Variants in SNX10 observed in about 807,000 individuals in gnomAD.
The protein encoded by SNX10 is sorting nexin 10.
Under a neutral mutation model 28.5 loss-of-function variants are expected in SNX10, and 25 were observed. That is an observed-to-expected ratio of 0.88 (90% confidence interval 0.64 to 1.22). The LOEUF is 1.22. SNX10 is among the 50% of genes most tolerant of loss of function. SNX10 has a pLI of 0.00. For synonymous variants in SNX10, 62 were observed against 81.4 expected (o/e 0.76, Z 1.28); for missense variants, 223 against 242.6 (o/e 0.92, Z 0.54).
In SNX10 at chr7:26,318,436, A is replaced by G. The variant is rs542828604; in HGVS notation, c.-24+26350A>G. 2.0e-5 allele frequency among the ~76,000 whole-genome samples: 3 copies of G among 152,272 alleles called. No homozygotes were observed. The East Asian group carries it at 5.8e-4, about 29-fold the overall frequency. On this transcript the variant is annotated intron_variant, in intron 1 of 6. Coordinates refer to ENST00000338523, the MANE Select transcript of SNX10 (RefSeq NM_013322.3). The stretch of plus-strand genomic sequence containing the variant: ...TTATATTTTGAAGAAAAAAGTACCA[A>G]TAATTCAGCCAGTGGTCATACTTAT...
intron 1 of SNX10, among the ~76,000 whole-genome samples, chr7:26,339,044 T>C (rs1788066787): frequency 6.6e-6 from 1 of 152,174 alleles, no homozygotes; most frequent in African/African-American, 2.4e-5. Context: ...TGTAGCTAAT[T>C]TGTTAGTTCT....
intron 1 of SNX10, among the ~76,000 whole-genome samples, chr7:26,307,946 C>T (rs542839058): frequency 6.6e-6 from 1 of 152,256 alleles, no homozygotes; most frequent in African/African-American, 2.4e-5. Context: ...AACACCCATC[C>T]CAGATGAATC....
At position 26,354,614 on chromosome 7, in the gene SNX10, CAA is replaced by C. The variant is rs1371700560; in HGVS notation, c.25-6360_25-6359del. On this transcript the variant is annotated intron_variant, in intron 2 of 6. Coordinates refer to ENST00000338523, the MANE Select transcript of SNX10 (RefSeq NM_013322.3). Reference sequence around the variant, plus strand: ...CAGGCTGGTCTTGAACTCCTGAGCTCAAGTGATCCTCCCACCTTGGCCTCCCA... The same window carrying C: ...CAGGCTGGTCTTGAACTCCTGAGCTCGTGATCCTCCCACCTTGGCCTCCCA... Among the ~76,000 whole-genome samples the C allele has an allele frequency of 5.9e-5, 9 of 152,202 alleles. No individual in the cohort carries two copies. In the South Asian group the frequency reaches 6.2e-4, roughly 10 times the overall value.
chr7:26,341,787 C>G (rs1410448620), intron 1 of SNX10, among the ~76,000 whole-genome samples: 2 of 151,892 alleles, frequency 1.3e-5, no homozygotes, highest in Non-Finnish European at 2.9e-5. Context: ...ACCCAGCCCT[C>G]TATGTGCATT....
chr7:26,359,520 T>C (rs374746120), intron 2 of SNX10, among the ~76,000 whole-genome samples: 4 of 152,284 alleles, frequency 2.6e-5, no homozygotes, highest in African/African-American at 9.6e-5. Context: ...ATATTTAAAA[T>C]CAAACTCAGT....
chr7:26,328,259 C>G (rs1554354211), intron 1 of SNX10, among the ~76,000 whole-genome samples: 1 of 152,120 alleles, frequency 6.6e-6, no homozygotes, highest in Non-Finnish European at 1.5e-5. Flanking sequence ...GAATCAATGA[C>G]AGTTTCCAGG....
At chr7:26,298,417 CT>C (rs1474947871) in intron 1 of SNX10, among the ~76,000 whole-genome samples, 1 of 152,106 alleles carries the variant, frequency 6.6e-6, no homozygotes, top group Admixed American at 6.5e-5. Flanking sequence ...ACCATGAAAC[CT>C]TTTTGCTTAG....
intron 1 of SNX10, among the ~76,000 whole-genome samples, chr7:26,329,554 A>G (rs1787643926): frequency 6.6e-6 from 1 of 152,218 alleles, no homozygotes; most frequent in African/African-American, 2.4e-5. Context: ...TATGTAAGTG[A>G]TGAGTCTGCT....
intron 1 of SNX10, among the ~76,000 whole-genome samples, chr7:26,313,687 C>G (rs759619407): frequency 1.3e-5 from 2 of 152,034 alleles, no homozygotes; most frequent in Non-Finnish European, 2.9e-5. Context: ...CACATTCTCT[C>G]TCCTCCTAAG....
intron 1 of SNX10, among the ~76,000 whole-genome samples, chr7:26,300,725 T>G (rs527715059): frequency 6.6e-6 from 1 of 152,236 alleles, no homozygotes; most frequent in African/African-American, 2.4e-5. Context: ...CTTTAAGTGC[T>G]TTAAAAGAAT....
chr7:26,346,889 G>A (rs1788409696), intron 2 of SNX10, among the ~76,000 whole-genome samples: 1 of 152,224 alleles, frequency 6.6e-6, no homozygotes. Flanking sequence ...TACAACACTG[G>A]CAAAACTGGC....
Position 26,323,407 on chromosome 7 carries a change from A to G in SNX10, c.-23-23013A>G, listed in dbSNP as rs558921212. Reference sequence around the variant, plus strand: ...CAGTCTAGGGAAAAAGCATTCCAAGAAGAGGGCATAGTAGATGCGAAGGCC... The same window carrying G: ...CAGTCTAGGGAAAAAGCATTCCAAGGAGAGGGCATAGTAGATGCGAAGGCC... On this transcript the variant is annotated intron_variant, in intron 1 of 6. Coordinates refer to ENST00000338523, the MANE Select transcript of SNX10 (RefSeq NM_013322.3). Among the ~76,000 whole-genome samples the G allele has an allele frequency of 6.6e-5, 10 of 152,314 alleles. No homozygotes were observed. The South Asian group carries it at 2.1e-3, about 32-fold the overall frequency.
chr7:26,358,805 G>GTTTTTTTTTTTTTTTTTTTTTTTTTTTTT (rs35527687), intron 2 of SNX10, among the ~76,000 whole-genome samples: 2 of 100,104 alleles, frequency 2.0e-5, no homozygotes, highest in African/African-American at 8.8e-5. Flanking sequence ...GTTATCTTGT[G>GTTTTTTTTTTTTTTTTTTTTTTTTTTTTT]TTTTTTTTTT....
chr7:26,299,579 C>T (rs1356100253), intron 1 of SNX10, among the ~76,000 whole-genome samples: 2 of 151,616 alleles, frequency 1.3e-5, no homozygotes, highest in Non-Finnish European at 2.9e-5. Flanking sequence ...TACAGGTGAG[C>T]ACCACCATAC....
intron 1 of SNX10, among the ~76,000 whole-genome samples, chr7:26,333,995 T>A (rs1307646522): frequency 3.9e-5 from 6 of 152,166 alleles, no homozygotes; most frequent in Non-Finnish European, 7.3e-5. Context: ...AACACTAATA[T>A]TTAAATCACT....
chr7:26,348,374 G>A (rs1788471004), intron 2 of SNX10, among the ~76,000 whole-genome samples: 1 of 152,280 alleles, frequency 6.6e-6, no homozygotes, highest in African/African-American at 2.4e-5. Context: ...TGCAAGCTTG[G>A]GGCTTTCCTG....
At chr7:26,345,093 G>T (rs1788331812) in intron 1 of SNX10, among the ~76,000 whole-genome samples, 1 of 152,122 alleles carries the variant, frequency 6.6e-6, no homozygotes, top group South Asian at 2.1e-4. Context: ...ATCAGATTTA[G>T]GGTTCACTCC....
At chr7:26,313,799 TTTTTCTTTTTC>T (rs1167665471) in intron 1 of SNX10, among the ~76,000 whole-genome samples, 1 of 152,008 alleles carries the variant, frequency 6.6e-6, no homozygotes, top group Non-Finnish European at 1.5e-5. Flanking sequence ...CTGAATTTCT[TTTTTCTTTTTC>T]TTTTCTTTTT....
chr7:26,301,374 G>A (rs1171578522), intron 1 of SNX10, among the ~76,000 whole-genome samples: 1 of 152,126 alleles, frequency 6.6e-6, no homozygotes, highest in Admixed American at 6.6e-5. Flanking sequence ...GATAGGAAAG[G>A]GAAGTCTTGA....
Sources: allele counts gnomAD v4.1 joint callset (sites outside exome capture counted in the v4.1 genomes callset), GRCh38; gene constraint gnomAD v4.1.1; transcripts MANE v1.5; gene names NCBI Gene and HGNC (gene_info 2026-07-23, HGNC 2026-07-21).